The following NEMP2 variants were observed in gnomAD, a reference collection of about 807,000 sequenced individuals.
NEMP2 encodes nuclear envelope integral membrane protein 2.
A neutral mutation model predicts 54.2 loss-of-function variants in NEMP2; 53 were observed. That is an observed-to-expected ratio of 0.98 (90% confidence interval 0.78 to 1.23). The LOEUF is 1.23. NEMP2 is among the 50% of genes most tolerant of loss of function. The pLI, the probability that NEMP2 is intolerant of heterozygous loss-of-function variation, is 0.00. For synonymous variants in NEMP2, 197 were observed against 190.3 expected (o/e 1.04, Z -0.29); for missense variants, 455 against 511.3 (o/e 0.89, Z 1.06).
At chr2:190,538,320 CTGAA>C (rs1691444114), upstream of NEMP2, among the ~76,000 whole-genome samples, 2 of 152,098 alleles carry the variant, frequency 1.3e-5, no homozygotes, top group Admixed American at 1.3e-4. The surrounding 1 kb of genome is among the most constrained non-coding windows in gnomAD (Gnocchi z 4.1). Flanking sequence ...TTTTTTATGG[CTGAA>C]TAATATTCCA....
At chr2:190,562,587 GCTCT>G in the NEMP2 span, among the ~76,000 whole-genome samples, 1 of 152,142 alleles carries the variant, frequency 6.6e-6, no homozygotes, top group Non-Finnish European at 1.5e-5. The surrounding 1 kb of genome is among the most constrained non-coding windows in gnomAD (Gnocchi z 5.0). Flanking sequence ...GTCCTTTTAA[GCTCT>G]CTAAGTATCA....
the NEMP2 span, among the ~76,000 whole-genome samples, chr2:190,439,815 A>G: frequency 6.6e-6 from 1 of 152,170 alleles, no homozygotes; most frequent in Non-Finnish European, 1.5e-5. The surrounding 1 kb of genome is among the most constrained non-coding windows in gnomAD (Gnocchi z 5.8). Context: ...ATTAAAATGT[A>G]TTAATTATTT....
chr2:190,567,369 T>C, the NEMP2 span, among the ~76,000 whole-genome samples: 1 of 151,616 alleles, frequency 6.6e-6, no homozygotes, highest in Non-Finnish European at 1.5e-5. This position sits in a 1 kb window ranked among gnomAD's most constrained non-coding sequence, Gnocchi z 4.0. Context: ...GAGGAAAAAG[T>C]ATACAAGAAA....
the NEMP2 span, among the ~76,000 whole-genome samples, chr2:190,638,508 G>A: frequency 6.6e-5 from 10 of 152,260 alleles, no homozygotes; most frequent in African/African-American, 2.2e-4. The surrounding 1 kb of genome is among the most constrained non-coding windows in gnomAD (Gnocchi z 5.7). Context: ...TAGTCCTGAC[G>A]AAAACGAACC....
At chr2:190,503,517 C>A (rs4316966), downstream of NEMP2, among the ~76,000 whole-genome samples, 2,651 of 152,292 alleles carry the variant, frequency 0.017, 76 homozygotes, top group African/African-American at 0.06. This position sits in a 1 kb window ranked among gnomAD's most constrained non-coding sequence, Gnocchi z 6.3. Flanking sequence ...TTCGGGAGAT[C>A]TCTGGGCCTG....
the NEMP2 span, among the ~76,000 whole-genome samples, chr2:190,554,449 G>A: frequency 1.2e-4 from 18 of 152,284 alleles, no homozygotes; most frequent in African/African-American, 4.1e-4. The surrounding 1 kb of genome is among the most constrained non-coding windows in gnomAD (Gnocchi z 5.7). Context: ...GCTCGACCTG[G>A]GACTCTGGAG....
the NEMP2 span, among the ~76,000 whole-genome samples, chr2:190,622,421 TAA>T: frequency 2.1e-5 from 3 of 142,496 alleles, no homozygotes; most frequent in Non-Finnish European, 3.1e-5. Flanking sequence ...TGCAGTCTCT[TAA>T]AAAAAAAAAA....
chr2:190,594,615 G>C, the NEMP2 span, among the ~76,000 whole-genome samples: 1 of 152,008 alleles, frequency 6.6e-6, no homozygotes. The surrounding 1 kb of genome is among the most constrained non-coding windows in gnomAD (Gnocchi z 5.6). Context: ...TTTCTCTATT[G>C]CTCAGGCTGG....
the NEMP2 span, among the ~76,000 whole-genome samples, chr2:190,612,217 A>G: frequency 1.4e-5 from 2 of 138,206 alleles, no homozygotes; most frequent in Non-Finnish European, 3.0e-5. Flanking sequence ...GTGCAGTGGC[A>G]TGATCTCGGC....
intron 4 of NEMP2, among the ~76,000 whole-genome samples, chr2:190,518,525 A>G (rs891875462): frequency 2.0e-5 from 3 of 152,268 alleles, no homozygotes; most frequent in African/African-American, 7.2e-5. Context: ...AAAATATGTG[A>G]AAGCACTTTG....
chr2:190,627,283 G>C, the NEMP2 span, among the ~76,000 whole-genome samples: 1 of 152,120 alleles, frequency 6.6e-6, no homozygotes, highest in Non-Finnish European at 1.5e-5. This position sits in a 1 kb window ranked among gnomAD's most constrained non-coding sequence, Gnocchi z 4.4. Flanking sequence ...TTGACTATAT[G>C]GCACTCCAGT....
At chr2:190,499,713 T>A, downstream of NEMP2, 1 of 1,108,854 alleles carries the variant, frequency 9.0e-7, no homozygotes, top group Non-Finnish European at 1.2e-6. The surrounding 1 kb of genome is among the most constrained non-coding windows in gnomAD (Gnocchi z 6.0). Context: ...GGGGGCTCAG[T>A]AAATATTTGC....
the NEMP2 span, among the ~76,000 whole-genome samples, chr2:190,637,630 A>G: frequency 1.3e-5 from 2 of 152,048 alleles, no homozygotes; most frequent in African/African-American, 4.8e-5. The surrounding 1 kb of genome is among the most constrained non-coding windows in gnomAD (Gnocchi z 4.5). Context: ...GAGTCTATTA[A>G]TTTCATCCTT....
chr2:190,482,953 G>T, the NEMP2 span, among the ~76,000 whole-genome samples: 1 of 129,590 alleles, frequency 7.7e-6, no homozygotes, highest in Admixed American at 9.4e-5. Flanking sequence ...CTGCAGTGGC[G>T]CAATCTCGGC....
At chr2:190,455,934 CTT>C in the NEMP2 span, among the ~76,000 whole-genome samples, 2 of 65,388 alleles carry the variant, frequency 3.1e-5, no homozygotes, top group South Asian at 7.7e-4. Flanking sequence ...ATTTACTCTG[CTT>C]TTTTTTTTTT....
the NEMP2 span, among the ~76,000 whole-genome samples, chr2:190,629,064 T>C: frequency 6.6e-6 from 1 of 152,192 alleles, no homozygotes; most frequent in Non-Finnish European, 1.5e-5. Context: ...GGTCCAGAAT[T>C]GTGCAGAGCG....
Position 190,522,886 on chromosome 2 carries a change from A to G in NEMP2, c.213+2377T>C, listed in dbSNP as rs10165897. ...ACCCCTCTCTGCTTCAAGTTGTCCC[A>G]CCTTTCTGGACCTAACTAATGTATA... On this transcript the variant is annotated intron_variant, in intron 2 of 8. Transcript: ENST00000409150. This position sits in a 1 kb window ranked among gnomAD's most constrained non-coding sequence, Gnocchi z 5.0. Among the ~76,000 whole-genome samples, 84,923 of 151,934 alleles carry G rather than the reference A, an allele frequency of 0.56. 24,592 individuals are homozygous for G. Among genetic ancestry groups the G allele is most frequent in the Admixed American group, 0.65 (9,899 of 15,268 alleles).
the NEMP2 span, among the ~76,000 whole-genome samples, chr2:190,578,602 G>A: frequency 1.2e-4 from 19 of 152,164 alleles, no homozygotes; most frequent in Non-Finnish European, 1.9e-4. This position sits in a 1 kb window ranked among gnomAD's most constrained non-coding sequence, Gnocchi z 4.4. Context: ...AGAAGACTGA[G>A]GGCATGAGAC....
At chr2:190,490,061 T>C in the NEMP2 span, among the ~76,000 whole-genome samples, 1 of 151,824 alleles carries the variant, frequency 6.6e-6, no homozygotes, top group South Asian at 2.1e-4. This position sits in a 1 kb window ranked among gnomAD's most constrained non-coding sequence, Gnocchi z 4.5. Flanking sequence ...AATATTGTTT[T>C]AAGTAGCTTG....
Sources: allele counts gnomAD v4.1 joint callset (sites outside exome capture counted in the v4.1 genomes callset), GRCh38; gene constraint gnomAD v4.1.1; non-coding constraint Gnocchi (gnomAD v3.1); transcripts MANE v1.5; gene names NCBI Gene and HGNC (gene_info 2026-07-23, HGNC 2026-07-21).